The following AGBL1 variants were observed in gnomAD, a reference collection of about 807,000 sequenced individuals.
AGBL1 encodes the protein cytosolic carboxypeptidase 4.
In AGBL1, 130 loss-of-function variants were observed where a neutral mutation model predicts 118.9. The observed-to-expected ratio is 1.09, with a 90% CI of 0.95 to 1.26. The LOEUF is 1.26. Among genes scored for constraint, AGBL1 ranks in the 50% most tolerant of loss-of-function variants. The pLI, the probability that AGBL1 is intolerant of heterozygous loss-of-function variation, is 0.00. For missense variants in AGBL1, 1,584 were observed against 1,298.1 expected (o/e 1.22, Z -3.38); for synonymous variants, 555 against 478.9 (o/e 1.16, Z -2.08).
chr15:86,171,037 C>G (rs1432247019), intron 5 of AGBL1, among the ~76,000 whole-genome samples: 1 of 152,132 alleles, frequency 6.6e-6, no homozygotes, highest in Non-Finnish European at 1.5e-5. Context: ...GAATTCTGTA[C>G]TCAGTGAAAA....
At chr15:86,503,735 T>G (rs2082943514) in intron 18 of AGBL1, among the ~76,000 whole-genome samples, 1 of 151,500 alleles carries the variant, frequency 6.6e-6, no homozygotes, top group Admixed American at 6.6e-5. Flanking sequence ...TGCTTATAAA[T>G]TTCCCAAACT....
At chr15:86,677,763 A>T (rs532724969) in intron 22 of AGBL1, among the ~76,000 whole-genome samples, 3 of 152,314 alleles carry the variant, frequency 2.0e-5, no homozygotes, top group Admixed American at 2.0e-4. Flanking sequence ...GGTTTGTTTG[A>T]CGGACAACAC....
In AGBL1 at chr15:86,597,197, C is replaced by T. The variant is rs372971224; in HGVS notation, c.2994+42660C>T. ...CATCTCTCTTATCTAGCTAGCTAGC[C>T]AGCTATCCATCTATTTACCTACTAT... On this transcript the variant is annotated intron_variant, in intron 21 of 22. Coordinates refer to ENST00000614907, the MANE Select transcript of AGBL1 (RefSeq NM_001386094.1). Among the ~76,000 whole-genome samples the T allele has an allele frequency of 3.7e-4, 56 of 151,198 alleles. 1 individual carries two copies. The highest frequency in any genetic ancestry group is 1.3e-3 in the African/African-American group (55 of 40,920).
At chr15:86,243,629 G>C (rs1567150551) in intron 6 of AGBL1, among the ~76,000 whole-genome samples, 5 of 152,230 alleles carry the variant, frequency 3.3e-5, no homozygotes. Flanking sequence ...CTTTTAGGGT[G>C]GGGTAGAGGA....
chr15:86,210,817 T>A (rs1261187847), intron 5 of AGBL1, among the ~76,000 whole-genome samples: 2 of 152,234 alleles, frequency 1.3e-5, no homozygotes, highest in African/African-American at 2.4e-5. Flanking sequence ...CCTGCTTCTG[T>A]GAGCTCGTCA....
intron 22 of AGBL1, among the ~76,000 whole-genome samples, chr15:86,682,991 A>C (rs1307273983): frequency 1.3e-5 from 2 of 152,290 alleles, no homozygotes; most frequent in South Asian, 4.1e-4. Context: ...CTGCACTGGC[A>C]TTTGAATCTA....
intron 23 of AGBL1, among the ~76,000 whole-genome samples, chr15:86,961,887 G>A (rs2080996792): frequency 6.6e-6 from 1 of 152,020 alleles, no homozygotes; most frequent in African/African-American, 2.4e-5. Context: ...CAGCATTCCT[G>A]AAGAGGGCAG....
In AGBL1 at chr15:86,853,447, G is replaced by A. The variant is rs2079434114; in HGVS notation, c.3159-53640G>A. ...GTGCTAGATCCTCACAGCAATCTTA[G>A]GAAGTAGAGAATATTATTCCAATTC... On this transcript the variant is annotated intron_variant, in intron 22 of 22. Coordinates refer to ENST00000614907, the MANE Select transcript of AGBL1 (RefSeq NM_001386094.1). Among the ~76,000 whole-genome samples, 3 of 152,070 alleles carry A rather than the reference G, an allele frequency of 2.0e-5. No individual in the cohort carries two copies. In the South Asian group the frequency reaches 6.2e-4, roughly 32 times the overall value.
intron 17 of AGBL1, among the ~76,000 whole-genome samples, chr15:86,364,434 G>A (rs2080849048): frequency 1.3e-5 from 2 of 152,172 alleles, no homozygotes; most frequent in Admixed American, 1.3e-4. Context: ...TCCAGATCCT[G>A]CTACCATTTT....
chr15:86,829,968 A>G (rs1035636706), intron 22 of AGBL1, among the ~76,000 whole-genome samples: 2 of 151,954 alleles, frequency 1.3e-5, no homozygotes, highest in African/African-American at 4.8e-5. Context: ...ATTTTCACAC[A>G]CCCCCAGGAG....
At chr15:86,158,729 G>T (rs2077225997) in intron 4 of AGBL1, among the ~76,000 whole-genome samples, 1 of 152,198 alleles carries the variant, frequency 6.6e-6, no homozygotes, top group African/African-American at 2.4e-5. Flanking sequence ...TGACATTCTA[G>T]TTGCGGCACA....
chr15:86,512,900 GTTA>G (rs1277342049), intron 18 of AGBL1, among the ~76,000 whole-genome samples: 2 of 150,376 alleles, frequency 1.3e-5, no homozygotes, highest in Non-Finnish European at 3.0e-5. Flanking sequence ...AGTTTTTCCA[GTTA>G]TTATTTTTTT....
intron 18 of AGBL1, among the ~76,000 whole-genome samples, chr15:86,478,766 CA>C: frequency 6.6e-6 from 1 of 152,156 alleles, no homozygotes; most frequent in Non-Finnish European, 1.5e-5. Flanking sequence ...AAAGAACCCA[CA>C]TTGCCAAGAC....
At chr15:86,346,868 A>G (rs1595996762) in intron 17 of AGBL1, among the ~76,000 whole-genome samples, 2 of 152,222 alleles carry the variant, frequency 1.3e-5, no homozygotes, top group East Asian at 3.9e-4. Flanking sequence ...TGTGCCATAC[A>G]GCAAGACTCT....
At chr15:86,922,764 T>A (rs1452522860) in intron 23 of AGBL1, among the ~76,000 whole-genome samples, 1 of 152,152 alleles carries the variant, frequency 6.6e-6, no homozygotes, top group African/African-American at 2.4e-5. Context: ...AAAAGATTCA[T>A]AATGAAACAA....
At chr15:86,609,950 G>C (rs746334838) in intron 21 of AGBL1, among the ~76,000 whole-genome samples, 13 of 152,092 alleles carry the variant, frequency 8.5e-5, no homozygotes, top group Non-Finnish European at 1.5e-4. Flanking sequence ...TTATGGATGA[G>C]GCCATGCTTC....
At chr15:86,187,251 G>GT (rs1444062540) in intron 5 of AGBL1, among the ~76,000 whole-genome samples, 1 of 152,144 alleles carries the variant, frequency 6.6e-6, no homozygotes, top group Non-Finnish European at 1.5e-5. Flanking sequence ...TCTTTACGAG[G>GT]TTTTTTAAAG....
intron 22 of AGBL1, among the ~76,000 whole-genome samples, chr15:86,883,939 A>G (rs1188374523): frequency 6.6e-6 from 1 of 151,350 alleles, no homozygotes; most frequent in Non-Finnish European, 1.5e-5. Flanking sequence ...AAGTTCTACG[A>G]CCCCCCAGTG....
intron 18 of AGBL1, among the ~76,000 whole-genome samples, chr15:86,464,271 AT>A (rs1313829451): frequency 6.6e-6 from 1 of 152,068 alleles, no homozygotes; most frequent in East Asian, 1.9e-4. Flanking sequence ...AATGCTTGTG[AT>A]TTTTGCACAT....
Sources: gnomAD v4.1 joint callset for allele counts (sites outside exome capture counted in the v4.1 genomes callset) on GRCh38, gnomAD v4.1.1 for gene constraint, MANE v1.5 for transcripts, NCBI Gene and HGNC (gene_info 2026-07-23, HGNC 2026-07-21) for gene names.